NRP2: variants seen among roughly 807,000 people sequenced by gnomAD.
NRP2 encodes neuropilin-2.
In NRP2, 52 loss-of-function variants were observed where a neutral mutation model predicts 110.4. The ratio of observed to expected loss-of-function variants is 0.47; its 90% CI spans 0.38 to 0.59. The LOEUF (loss-of-function observed/expected upper bound fraction) is 0.59, where lower values mean the gene tolerates loss of function less well. Ranked by LOEUF, NRP2 falls within the 20% of genes least tolerant of loss-of-function variation. The probability of loss-of-function intolerance (pLI) is 0.00; values close to 1 mark genes in which losing one functional copy is unlikely to be tolerated. For missense variants in NRP2, 1,049 were observed against 1,203.0 expected (o/e 0.87, Z 1.89); for synonymous variants, 508 against 468.9 (o/e 1.08, Z -1.08).
chr2:205,753,073 G>T lies in NRP2; in HGVS notation c.2044+98G>T, dbSNP rs376280175. On this transcript the variant is annotated intron_variant, in intron 12 of 16. Coordinates refer to ENST00000357785, the MANE Select transcript of NRP2 (RefSeq NM_003872.3). ...CTTACAAGCTTCATAACTTCCCACC[G>T]CACAGCAATCCTCTATTCTTTGCCC... The T allele has an allele frequency of 1.3e-5, 19 of 1,471,608 alleles. No individual in the cohort carries two copies. In the African/African-American group the frequency reaches 1.7e-4, roughly 13 times the overall value. The allele number at this position is 1,471,608 out of a possible 1,614,324, so 91.2% of individuals were successfully genotyped here. A position where few individuals can be genotyped will look rare whatever the true frequency, so the allele number is the denominator to read the frequency against.
At chr2:205,786,140 G>C (rs1270250660) in intron 15 of NRP2, among the ~76,000 whole-genome samples, 1 of 152,196 alleles carries the variant, frequency 6.6e-6, no homozygotes, top group African/African-American at 2.4e-5. Context: ...GCTCCTTATT[G>C]CAACTTGGAT....
At chr2:205,723,633 C>A in intron 4 of NRP2, 152 bp from the exon 5 acceptor site, 2 of 783,056 alleles carry the variant, frequency 2.6e-6, no homozygotes, top group South Asian at 1.6e-5. Context: ...AAAATATTAG[C>A]CATTGTTCTT....
At chr2:205,780,030 A>G (rs1171887659) in intron 15 of NRP2, among the ~76,000 whole-genome samples, 1 of 152,182 alleles carries the variant, frequency 6.6e-6, no homozygotes, top group African/African-American at 2.4e-5. Flanking sequence ...ATCCCTGGAG[A>G]TTAGATTCTA....
intron 2 of NRP2, among the ~76,000 whole-genome samples, chr2:205,704,548 G>A (rs2056633775): frequency 6.6e-6 from 1 of 152,150 alleles, no homozygotes; most frequent in South Asian, 2.1e-4. Context: ...CTGGCTGCTG[G>A]CCCCACACTT....
intron 7 of NRP2, among the ~76,000 whole-genome samples, chr2:205,739,455 C>G (rs1045118904): frequency 6.6e-6 from 1 of 152,130 alleles, no homozygotes; most frequent in Non-Finnish European, 1.5e-5. Flanking sequence ...TGTTGGTGCC[C>G]CCAAACACTT....
chr2:205,737,214 T>G (rs2057360272), intron 7 of NRP2, among the ~76,000 whole-genome samples: 1 of 152,210 alleles, frequency 6.6e-6, no homozygotes, highest in Non-Finnish European at 1.5e-5. Context: ...TGGGCACTAT[T>G]CAAAGTGTAT....
At chr2:205,755,470 C>T (rs899813322) in intron 12 of NRP2, among the ~76,000 whole-genome samples, 2 of 152,188 alleles carry the variant, frequency 1.3e-5, no homozygotes, top group African/African-American at 4.8e-5. Flanking sequence ...GAGCCCTTCC[C>T]TCTATCCTCT....
rs778683833 is a variant in NRP2 at position 205,764,362 on chromosome 2, C to A, written c.2307+426C>A. 2.1e-5 allele frequency: 4 copies of A among 192,784 alleles called. No homozygotes were observed. In the South Asian group the frequency reaches 3.8e-4, roughly 18 times the overall value. The allele number at this position is 192,784 out of a possible 1,614,324, so 11.9% of individuals were successfully genotyped here. ...GGCAGCAAGAACACAGGAAGGGGAG[C>A]GGGGGCTGTTGGCGCTCAGTGGCCG... On this transcript the variant is annotated intron_variant, in intron 13 of 16. Transcript: ENST00000357785.
At chr2:205,706,713 G>T (rs990497474) in intron 2 of NRP2, among the ~76,000 whole-genome samples, 2 of 152,128 alleles carry the variant, frequency 1.3e-5, no homozygotes, top group Non-Finnish European at 2.9e-5. Flanking sequence ...GCAGATACAA[G>T]ATTTAGTCCA....
At chr2:205,688,189 G>T (rs1304591124) in intron 1 of NRP2, among the ~76,000 whole-genome samples, 1 of 152,234 alleles carries the variant, frequency 6.6e-6, no homozygotes, top group African/African-American at 2.4e-5. Flanking sequence ...GAAAGGACTT[G>T]AAAAGTGTCA....
At chr2:205,684,297 C>T (rs2056092174) in intron 1 of NRP2, among the ~76,000 whole-genome samples, 1 of 152,272 alleles carries the variant, frequency 6.6e-6, no homozygotes, top group South Asian at 2.1e-4. Flanking sequence ...GAGTGAGCCT[C>T]CCTACCCCTC....
intron 7 of NRP2, among the ~76,000 whole-genome samples, chr2:205,735,223 T>A (rs970722615): frequency 7.2e-6 from 1 of 139,030 alleles, no homozygotes; most frequent in Non-Finnish European, 1.6e-5. Context: ...GAAAAGGCTT[T>A]AGGCTGGGCA....
intron 2 of NRP2, chr2:205,700,685 T>A (rs763666011): frequency 1.9e-6 from 1 of 518,782 alleles, no homozygotes. Context: ...AACCGTTGCT[T>A]ATTAACTTTG....
chr2:205,757,190 G>T (rs2057747858), intron 12 of NRP2, among the ~76,000 whole-genome samples: 1 of 152,152 alleles, frequency 6.6e-6, no homozygotes, highest in African/African-American at 2.4e-5. Flanking sequence ...TTGACTGCCT[G>T]GTCAAAGCCT....
rs529865859 is a variant in NRP2 at position 205,743,837 on chromosome 2, G to A, written c.1641+285G>A. ...CGGCTCACTGCAACCTCCGCCTCCA[G>A]GGTTCAAGCGATTCTCCAGCCTCAG... On this transcript the variant is annotated intron_variant, in intron 9 of 16. Coordinates refer to ENST00000357785, the MANE Select transcript of NRP2 (RefSeq NM_003872.3). 6.9e-5 allele frequency: 31 copies of A among 450,030 alleles called. 1 individual carries two copies. The East Asian group carries it at 1.3e-3, about 19-fold the overall frequency. 27.9% of individuals were successfully genotyped at this position (450,030 alleles called of 1,614,324 possible).
intron 15 of NRP2, among the ~76,000 whole-genome samples, chr2:205,773,192 C>A (rs1197494298): frequency 6.6e-6 from 1 of 152,212 alleles, no homozygotes; most frequent in Non-Finnish European, 1.5e-5. Context: ...AGATTCTAAA[C>A]CAGCACACTC....
chr2:205,765,468 T>C lies in NRP2; in HGVS notation c.2308-6T>C. 6.2e-7 allele frequency: 1 copy of C among 1,613,468 alleles called. No homozygotes were observed. Among genetic ancestry groups the C allele is most frequent in the Middle Eastern group, 1.7e-4 (1 of 6,060 alleles). On this transcript the variant is annotated splice_polypyrimidine_tract_variant and splice_region_variant and intron_variant, in intron 13 of 16. Transcript: ENST00000357785. Reference sequence around the variant, plus strand: ...TAACCATGGCTCTTATTCTTCCGGCTTCTAGATTGTGTTCGAGGGAGTGAT... The same window carrying C: ...TAACCATGGCTCTTATTCTTCCGGCCTCTAGATTGTGTTCGAGGGAGTGAT...
rs1249009425 is a variant in NRP2 at position 205,795,619 on chromosome 2, G to A, written c.*561G>A. On this transcript the variant is annotated 3_prime_UTR_variant, in exon 17 of 17. Coordinates refer to ENST00000357785, the MANE Select transcript of NRP2 (RefSeq NM_003872.3). ...TCTGACTTAAGGGATTTACTGTGGT[G>A]TAGGTTCTGCCAGCCAACCCTACAA... 6.6e-6 allele frequency: 1 copy of A among 152,624 alleles called. No homozygotes were observed. The allele number at this position is 152,624 out of a possible 1,614,324, so 9.5% of individuals were successfully genotyped here.
intron 1 of NRP2, among the ~76,000 whole-genome samples, chr2:205,690,543 C>A (rs2056289255): frequency 6.6e-6 from 1 of 150,498 alleles, no homozygotes; most frequent in Non-Finnish European, 1.5e-5. Context: ...CGAGACCAGC[C>A]TGGCCAACAT....
Sources: allele counts gnomAD v4.1 joint callset (sites outside exome capture counted in the v4.1 genomes callset), GRCh38; gene constraint gnomAD v4.1.1; transcripts MANE v1.5; gene names NCBI Gene and HGNC (gene_info 2026-07-23, HGNC 2026-07-21).